The following CR1 variants were observed in gnomAD, a reference collection of about 807,000 sequenced individuals.
CR1 encodes the protein complement receptor type 1.
In CR1, 116 loss-of-function variants were observed where a neutral mutation model predicts 187.3. That is an observed-to-expected ratio of 0.62 (90% CI 0.53 to 0.72). CR1 has a LOEUF of 0.72. CR1 is among the 30% of genes least tolerant of loss of function. The pLI is 0.00. For synonymous variants in CR1, 576 were observed against 747.1 expected, an observed-to-expected ratio of 0.77 and a Z score of 3.73; for missense variants, 1,731 against 2,110.7, an observed-to-expected ratio of 0.82 and a Z score of 3.52.
At chr1:207,615,766 T>A (rs1190098003) in intron 40 of CR1, among the ~76,000 whole-genome samples, 1 of 152,188 alleles carries the variant, frequency 6.6e-6, no homozygotes, top group Non-Finnish European at 1.5e-5. Context: ...AAACTCAACC[T>A]TACAGAGACA....
chr1:207,512,206 G>A (rs1659646435), intron 4 of CR1, among the ~76,000 whole-genome samples: 1 of 152,188 alleles, frequency 6.6e-6, no homozygotes, highest in Non-Finnish European at 1.5e-5. Flanking sequence ...TAGTTAAAAT[G>A]TTAGAGTAAC....
chr1:207,592,554 T>G (rs1661303190), intron 35 of CR1, among the ~76,000 whole-genome samples: 1 of 152,174 alleles, frequency 6.6e-6, no homozygotes, highest in South Asian at 2.1e-4. Context: ...ATGCCCTCTC[T>G]CACCACTCCT....
At chr1:207,524,239 A>G (rs1288520073) in intron 5 of CR1, among the ~76,000 whole-genome samples, 6 of 152,132 alleles carry the variant, frequency 3.9e-5, no homozygotes, top group Admixed American at 6.5e-5. Flanking sequence ...GGGTTCTTAT[A>G]AACAGATCTA....
In CR1 at chr1:207,505,792, C is replaced by T. The variant is rs143641573; in HGVS notation, c.122-112C>T. The stretch of plus-strand genomic sequence containing the variant: ...CGGAGGTTGCAGTGAGCCAAGATAG[C>T]GCCACTGCACTCCAGCCTGGGTGAT... On this transcript the variant is annotated intron_variant, in intron 1 of 46. Coordinates refer to ENST00000367049, the MANE Select transcript of CR1 (RefSeq NM_000651.6). 1,023 of 1,196,004 alleles carry T rather than the reference C, an allele frequency of 8.6e-4. 8 individuals are homozygous for T. The African/African-American group carries it at 0.014, about 16-fold the overall frequency. The allele number at this position is 1,196,004 out of a possible 1,614,324, so 74.1% of individuals were successfully genotyped here.
intron 4 of CR1, among the ~76,000 whole-genome samples, chr1:207,513,244 A>G (rs1217949026): frequency 6.6e-6 from 1 of 152,188 alleles, no homozygotes; most frequent in Non-Finnish European, 1.5e-5. Flanking sequence ...TTCAGCTCAA[A>G]TATGCATTAC....
chr1:207,510,316 T>C (rs1659572642), intron 3 of CR1, among the ~76,000 whole-genome samples: 1 of 152,242 alleles, frequency 6.6e-6, no homozygotes, highest in Admixed American at 6.5e-5. Flanking sequence ...ATCAAGTATC[T>C]TCAAAAGCAC....
At chr1:207,603,879 T>A (rs967151349) in intron 35 of CR1, among the ~76,000 whole-genome samples, 1 of 152,206 alleles carries the variant, frequency 6.6e-6, no homozygotes, top group African/African-American at 2.4e-5. Context: ...AGGACTTCAC[T>A]AACTTCAAAG....
intron 1 of CR1, 70 bp downstream of exon 1, chr1:207,496,458 G>A: frequency 6.7e-7 from 1 of 1,483,552 alleles, no homozygotes; most frequent in Non-Finnish European, 9.1e-7. Context: ...GAGAACTCGC[G>A]TGCAGCGCTG....
intron 36 of CR1, among the ~76,000 whole-genome samples, chr1:207,608,858 T>G (rs1161136106): frequency 6.6e-6 from 1 of 152,202 alleles, no homozygotes; most frequent in Non-Finnish European, 1.5e-5. Flanking sequence ...AAATCTGCCA[T>G]TATTTCATTT....
chr1:207,640,485 T>C lies in CR1; in HGVS notation c.*1076T>C, dbSNP rs1190675513. On this transcript the variant is annotated 3_prime_UTR_variant, in exon 47 of 47. Coordinates refer to ENST00000367049, the MANE Select transcript of CR1 (RefSeq NM_000651.6). ...TTCAAAAGCACTTTGTGCTGTGTTC[T>C]ATATAAAAAACATAATAAAAATTGA... is the stretch of plus-strand genomic sequence containing the variant. 6.6e-6 allele frequency: 1 copy of C among 152,218 alleles called. No homozygotes were observed. The highest frequency in any genetic ancestry group is 1.5e-5 in the Non-Finnish European group (1 of 68,038). 9.4% of individuals were successfully genotyped at this position (152,218 alleles called of 1,614,324 possible).
chr1:207,610,259 T>C lies in CR1; in HGVS notation c.6295+571T>C, dbSNP rs188416683. The stretch of plus-strand genomic sequence containing the variant: ...ATATGTATATACACACACACACATA[T>C]ATACTTGATATATAATTATATATTG... On this transcript the variant is annotated intron_variant, in intron 37 of 46. Transcript: ENST00000367049. Among the ~76,000 whole-genome samples the C allele has an allele frequency of 2.0e-3, 298 of 152,264 alleles. 1 individual carries two copies. Among genetic ancestry groups the C allele is most frequent in the East Asian group, 1.2e-3 (6 of 5,184 alleles).
chr1:207,581,280 G>A (rs747968979), intron 31 of CR1, among the ~76,000 whole-genome samples: 6 of 139,376 alleles, frequency 4.3e-5, no homozygotes, highest in Non-Finnish European at 9.4e-5. Context: ...ATATGGACAC[G>A]TATATGTATA....
intron 28 of CR1, among the ~76,000 whole-genome samples, chr1:207,576,519 A>G (rs931376227): frequency 4.6e-5 from 7 of 152,108 alleles, no homozygotes; most frequent in Admixed American, 1.3e-4. Flanking sequence ...TTATTATTTA[A>G]TAAAGATGTT....
At chr1:207,574,258 G>C (rs997912075) in intron 27 of CR1, among the ~76,000 whole-genome samples, 9 of 152,264 alleles carry the variant, frequency 5.9e-5, no homozygotes, top group Admixed American at 5.9e-4. Flanking sequence ...CTGTGTTTCA[G>C]GGATAGAGAA....
chr1:207,622,934 A>T, intron 44 of CR1, 59 bp from the exon 45 acceptor site: 1 of 1,253,768 alleles, frequency 8.0e-7, no homozygotes, highest in Admixed American at 2.1e-5. Flanking sequence ...ACTAAGATAG[A>T]ATTTAAAACC....
chr1:207,622,979 GT>G lies in CR1; in HGVS notation c.7277-10del, dbSNP rs774540340. 3.2e-6 allele frequency: 5 copies of G among 1,548,100 alleles called. No individual in the cohort carries two copies. The African/African-American group carries it at 5.4e-5, about 17-fold the overall frequency. On this transcript the variant is annotated splice_polypyrimidine_tract_variant and intron_variant, in intron 44 of 46. Coordinates refer to ENST00000367049, the MANE Select transcript of CR1 (RefSeq NM_000651.6). ...TATTTTCCATGCATTTAATTACCTT[GT>G]TTTACTGCCTAGGCACTTTATCTGG...
At chr1:207,566,063 G>T in intron 24 of CR1, 140 bp downstream of exon 24, 1 of 1,217,074 alleles carries the variant, frequency 8.2e-7, no homozygotes, top group Non-Finnish European at 1.1e-6. Flanking sequence ...AATAATGTTT[G>T]GTTGTGAATC....
intron 35 of CR1, among the ~76,000 whole-genome samples, chr1:207,598,322 A>G (rs949800838): frequency 6.6e-6 from 1 of 152,192 alleles, no homozygotes; most frequent in African/African-American, 2.4e-5. Flanking sequence ...AAAACAGATA[A>G]CAGTATAAGA....
intron 4 of CR1, among the ~76,000 whole-genome samples, chr1:207,512,585 G>A (rs1317516300): frequency 1.3e-5 from 2 of 152,062 alleles, no homozygotes; most frequent in African/African-American, 4.8e-5. Flanking sequence ...TTTTCTTCTT[G>A]GTATTTAAAA....
Sources: gnomAD v4.1 joint callset for allele counts (sites outside exome capture counted in the v4.1 genomes callset) on GRCh38, gnomAD v4.1.1 for gene constraint, MANE v1.5 for transcripts, NCBI Gene and HGNC (gene_info 2026-07-23, HGNC 2026-07-21) for gene names.